Variants in GALNS observed in about 807,000 individuals in gnomAD.
The protein encoded by GALNS is galactosamine (N-acetyl)-6-sulfatase, also known as N-acetylgalactosamine-6-sulfatase.
In GALNS, 65 loss-of-function variants were observed where a neutral mutation model predicts 65.9. That is an observed-to-expected ratio of 0.99 (90% CI 0.81 to 1.21). The LOEUF (loss-of-function observed/expected upper bound fraction) is 1.21, where lower values mean the gene tolerates loss of function less well. Ranked by LOEUF, GALNS falls within the 50% of genes most tolerant of loss-of-function variation. The pLI is 0.00. For synonymous variants in GALNS, 346 were observed against 288.9 expected (o/e 1.20, Z -2.00); for missense variants, 776 against 700.7 (o/e 1.11, Z -1.21).
At chr16:88,831,105 G>A (rs545841444) in intron 9 of GALNS, among the ~76,000 whole-genome samples, 1 of 152,326 alleles carries the variant, frequency 6.6e-6, no homozygotes, top group Non-Finnish European at 1.5e-5. Flanking sequence ...GTGACACACG[G>A]CAGTATACGT....
chr16:88,837,858 G>C, intron 4 of GALNS, 93 bp from the exon 5 acceptor site: 1 of 1,357,354 alleles, frequency 7.4e-7, no homozygotes, highest in Non-Finnish European at 1.0e-6. Flanking sequence ...CAAAATTCTT[G>C]GTAAGACGAG....
At chr16:88,823,017 CCT>C (rs776547637) in intron 11 of GALNS, among the ~76,000 whole-genome samples, 12 of 152,200 alleles carry the variant, frequency 7.9e-5, no homozygotes, top group Non-Finnish European at 1.5e-4. Flanking sequence ...CCTCACGTAC[CCT>C]GTTTTCATGT....
rs1173934632 is a variant in GALNS, at chr16:88,831,774, T to A, written c.1002+224A>T. 7.9e-4 allele frequency among the ~76,000 whole-genome samples: 76 copies of A among 95,730 alleles called. 1 individual carries two copies. Among genetic ancestry groups the A allele is most frequent in the African/African-American group, 2.5e-3 (56 of 22,004 alleles). The allele number at this position is 95,730 out of a possible 152,430, so 62.8% of individuals were successfully genotyped here. A position where few individuals can be genotyped will look rare whatever the true frequency, so the allele number is the denominator to read the frequency against. ...GAGAGCGGTGAGGCCGAGCACGGGG[T>A]GCGTGGGGAGGAGAGCGGTGAGGCC... On this transcript the variant is annotated intron_variant, in intron 9 of 13. Coordinates refer to ENST00000268695, the MANE Select transcript of GALNS (RefSeq NM_000512.5).
chr16:88,851,222 G>A (rs970718019), intron 1 of GALNS, among the ~76,000 whole-genome samples: 1 of 152,162 alleles, frequency 6.6e-6, no homozygotes, highest in African/African-American at 2.4e-5. Context: ...TCCCTTAAAA[G>A]TCCTAAAAGG....
rs1476444825 is a variant in GALNS, at chr16:88,835,259, G to A, written c.852C>T (p.Phe284=). 3 of 1,609,712 alleles carry A rather than the reference G, an allele frequency of 1.9e-6. No individual in the cohort carries two copies. The South Asian group carries it at 3.3e-5, about 18-fold the overall frequency. ...GGGCAGCGCCGTTGTCCGACGTGAA[G>A]AAGACGAAGGTGTTGTCCGCGACGT... The part of the protein sequence containing the change: ...DLHVADNTFV[F]FTSDNGAALI... The change falls in exon 8 of 14, where the codon TTC becomes TTT. Residue 284 remains phenylalanine (F), a synonymous_variant. Transcript: ENST00000268695.
intron 11 of GALNS, 77 bp downstream of exon 11, chr16:88,824,690 C>G: frequency 1.6e-6 from 2 of 1,223,738 alleles, no homozygotes; most frequent in Non-Finnish European, 2.4e-6. Context: ...TGTGCCTCCC[C>G]CAGGACGGTG....
At chr16:88,816,294 A>G in intron 13 of GALNS, 3 of 985,338 alleles carry the variant, frequency 3.0e-6, no homozygotes, top group Non-Finnish European at 3.6e-6. Flanking sequence ...CCTGGGTCGT[A>G]GAGAAGGACC....
intron 12 of GALNS, among the ~76,000 whole-genome samples, chr16:88,818,666 C>T (rs560556961): frequency 1.3e-5 from 2 of 152,344 alleles, no homozygotes; most frequent in East Asian, 1.9e-4. Context: ...CCACGGTTCG[C>T]GATGTCAGGG....
chr16:88,846,509 CTTTTTTT>C (rs59223444), intron 1 of GALNS, among the ~76,000 whole-genome samples: 7 of 88,706 alleles, frequency 7.9e-5, no homozygotes, highest in Admixed American at 4.1e-4. Context: ...GCGTTTCTGG[CTTTTTTT>C]TTTTTTTTTT....
At chr16:88,832,640 T>C (rs1393288998) in intron 8 of GALNS, among the ~76,000 whole-genome samples, 1 of 152,176 alleles carries the variant, frequency 6.6e-6, no homozygotes, top group Non-Finnish European at 1.5e-5. Flanking sequence ...ACACCATCCC[T>C]GGCTCACTCC....
At chr16:88,852,828 G>T (rs192487761) in intron 1 of GALNS, among the ~76,000 whole-genome samples, 2 of 152,192 alleles carry the variant, frequency 1.3e-5, no homozygotes, top group African/African-American at 4.8e-5. Context: ...GGTGATGGGC[G>T]GCTATAATCC....
chr16:88,837,325 T>C (rs1912243547), intron 5 of GALNS, among the ~76,000 whole-genome samples: 1 of 152,182 alleles, frequency 6.6e-6, no homozygotes, highest in African/African-American at 2.4e-5. Flanking sequence ...GGCAGTACCC[T>C]GACAGCTAGG....
At chr16:88,845,826 TAAAA>T in intron 1 of GALNS, among the ~76,000 whole-genome samples, 1 of 124,562 alleles carries the variant, frequency 8.0e-6, no homozygotes, top group South Asian at 2.5e-4. Context: ...ACTCCAACTC[TAAAA>T]AAAAAAAAAA....
chr16:88,851,585 G>T (rs942447207), intron 1 of GALNS, among the ~76,000 whole-genome samples: 11 of 152,204 alleles, frequency 7.2e-5, no homozygotes, highest in Admixed American at 2.6e-4. Flanking sequence ...GCGAGGGGTT[G>T]GGGGATTTCC....
intron 12 of GALNS, among the ~76,000 whole-genome samples, chr16:88,819,959 T>G (rs946927845): frequency 3.3e-5 from 5 of 152,090 alleles, no homozygotes; most frequent in African/African-American, 1.2e-4. Flanking sequence ...CCCAAAGTGC[T>G]GGGATTACAG....
rs535141621 is a variant in GALNS at position 88,847,058 on chromosome 16, G to A, written c.121-4229C>T. ...AAGTATCTGCAGCCCAGCCATGTCT[G>A]GCAGCCAAAGCCTTCAGGAGGAACG... On this transcript the variant is annotated intron_variant, in intron 1 of 13. Transcript: ENST00000268695. Among the ~76,000 whole-genome samples the A allele has an allele frequency of 3.3e-5, 5 of 152,266 alleles. No individual in the cohort carries two copies. In the East Asian group the frequency reaches 9.7e-4, roughly 29 times the overall value.
intron 1 of GALNS, among the ~76,000 whole-genome samples, chr16:88,853,483 C>T (rs565078302): frequency 3.2e-4 from 49 of 152,224 alleles, no homozygotes; most frequent in Admixed American, 1.1e-3. Context: ...GGTGGCTCGA[C>T]GAGGCTGCTG....
In GALNS at chr16:88,814,243, T is replaced by C. The variant is rs542529900; in HGVS notation, c.*196A>G. 9.8e-6 allele frequency: 7 copies of C among 717,890 alleles called. No homozygotes were observed. The highest frequency in any genetic ancestry group is 1.4e-5 in the Non-Finnish European group (6 of 422,742). 44.5% of individuals were successfully genotyped at this position (717,890 alleles called of 1,614,324 possible). ...GAGGGTCCTGAAATCTGAGGCGCCGTGGGCGAGGAGGAGGGCCAAGCACAC... is the reference window on the plus strand; with the variant it reads ...GAGGGTCCTGAAATCTGAGGCGCCGCGGGCGAGGAGGAGGGCCAAGCACAC... On this transcript the variant is annotated 3_prime_UTR_variant, in exon 14 of 14. Transcript: ENST00000268695.
chr16:88,835,701 A>G, intron 7 of GALNS, 24 bp downstream of exon 7: 1 of 1,613,690 alleles, frequency 6.2e-7, no homozygotes, highest in Non-Finnish European at 8.5e-7. Context: ...AGCGAGGTCT[A>G]TGCTCCATGG....
Sources: gnomAD v4.1 joint callset for allele counts (sites outside exome capture counted in the v4.1 genomes callset) on GRCh38, gnomAD v4.1.1 for gene constraint, MANE v1.5 for transcripts, NCBI Gene and HGNC (gene_info 2026-07-23, HGNC 2026-07-21) for gene names.